The following CEP63 variants were observed in gnomAD, a reference collection of about 807,000 sequenced individuals.
CEP63 encodes the protein centrosomal protein of 63 kDa.
A neutral mutation model predicts 89.1 loss-of-function variants in CEP63; 84 were observed. That is an observed-to-expected ratio of 0.94 (90% CI 0.79 to 1.13). The LOEUF is 1.13. Among genes scored for constraint, CEP63 ranks in the 50% most tolerant of loss-of-function variants. The pLI is 0.00. For missense variants in CEP63, 838 were observed against 813.3 expected (o/e 1.03, Z -0.37); for synonymous variants, 267 against 272.5 (o/e 0.98, Z 0.20).
At chr3:134,642,431 C>T in the CEP63 span, among the ~76,000 whole-genome samples, 1 of 152,186 alleles carries the variant, frequency 6.6e-6, no homozygotes, top group African/African-American at 2.4e-5. Flanking sequence ...TAATGCACAG[C>T]AGTTAACCAA....
At chr3:134,694,414 A>C in the CEP63 span, among the ~76,000 whole-genome samples, 1 of 152,152 alleles carries the variant, frequency 6.6e-6, no homozygotes, top group Non-Finnish European at 1.5e-5. Flanking sequence ...CCCTTCCCCA[A>C]GTTAAGTAAA....
intron 5 of CEP63, among the ~76,000 whole-genome samples, chr3:134,534,505 A>G (rs1041184592): frequency 2.0e-5 from 3 of 152,112 alleles, no homozygotes; most frequent in Admixed American, 6.5e-5. Context: ...TTACTGCTCC[A>G]TTATCTACTT....
chr3:134,559,158 A>T lies in CEP63; in HGVS notation c.1682A>T (p.His561Leu), dbSNP rs141318418. 28 of 1,614,006 alleles carry T rather than the reference A, an allele frequency of 1.7e-5. No homozygotes were observed. The African/African-American group carries it at 3.3e-4, about 19-fold the overall frequency. The change falls in exon 14 of 15, where the codon CAT (histidine) becomes CTT (leucine). Residue 561 changes from histidine (H) to leucine (L), a missense_variant. Coordinates refer to ENST00000675561, the MANE Select transcript of CEP63 (RefSeq NM_001353108.3). ...EFKNTEFKPT[H>L]GQHRHDGIKT... ...TCTAATCTACCATCCAGGCCAACCC[A>T]TGGCCAGCACAGACATGATGGAATA...
At chr3:134,620,950 T>C in the CEP63 span, 7 of 760,564 alleles carry the variant, frequency 9.2e-6, no homozygotes, top group Admixed American at 2.2e-5. Flanking sequence ...CTGCTCTTCC[T>C]CCAGGCAGAG....
At chr3:134,518,144 C>A (rs1946631004) in intron 3 of CEP63, among the ~76,000 whole-genome samples, 1 of 151,970 alleles carries the variant, frequency 6.6e-6, no homozygotes, top group South Asian at 2.1e-4. Flanking sequence ...AATAATGTAG[C>A]CTTAAAATAT....
chr3:134,612,323 G>A, the CEP63 span, among the ~76,000 whole-genome samples: 3 of 152,190 alleles, frequency 2.0e-5, no homozygotes, highest in African/African-American at 4.8e-5. Flanking sequence ...AAGGCCATAA[G>A]CCACTCCAGG....
At chr3:134,752,617 A>G in the CEP63 span, among the ~76,000 whole-genome samples, 44 of 152,326 alleles carry the variant, frequency 2.9e-4, no homozygotes, top group South Asian at 6.8e-3. Flanking sequence ...AATTACAATA[A>G]TAAAAAGAAG....
At chr3:134,738,338 C>G in the CEP63 span, among the ~76,000 whole-genome samples, 2 of 151,630 alleles carry the variant, frequency 1.3e-5, no homozygotes. Flanking sequence ...GGGTTGGTTC[C>G]ATGATTTTGC....
At chr3:134,679,657 C>A in the CEP63 span, among the ~76,000 whole-genome samples, 1 of 152,180 alleles carries the variant, frequency 6.6e-6, no homozygotes. Context: ...GAGATATGGT[C>A]TTTAAAGATC....
At position 134,545,585 on chromosome 3, in the gene CEP63, G is replaced by A; in HGVS notation, c.556-1G>A. 1 of 1,609,754 alleles carries A rather than the reference G, an allele frequency of 6.2e-7. No homozygotes were observed. Among genetic ancestry groups the A allele is most frequent in the Non-Finnish European group, 8.5e-7 (1 of 1,176,112 alleles). On this transcript the variant is annotated splice_acceptor_variant, in intron 6 of 14. Transcript: ENST00000675561. LOFTEE classifies it high-confidence loss of function. ...TATTGATTGATAGTCTGTGTTTCTA[G>A]GCTCAGCTTGTCAATCGGAAACAGA...
At chr3:134,637,828 G>A in the CEP63 span, among the ~76,000 whole-genome samples, 1 of 152,244 alleles carries the variant, frequency 6.6e-6, no homozygotes, top group South Asian at 2.1e-4. Context: ...TTGTGAAAGA[G>A]TGATCAAGGT....
At chr3:134,740,506 C>G in the CEP63 span, among the ~76,000 whole-genome samples, 1 of 152,040 alleles carries the variant, frequency 6.6e-6, no homozygotes, top group Non-Finnish European at 1.5e-5. Flanking sequence ...ACCGTGTTAG[C>G]CAGGATGGTC....
the CEP63 span, among the ~76,000 whole-genome samples, chr3:134,701,004 C>T: frequency 1.4e-5 from 2 of 140,362 alleles, no homozygotes; most frequent in African/African-American, 5.3e-5. Flanking sequence ...TGTTTTTCTC[C>T]CTATGAGTTA....
At chr3:134,666,078 T>C in the CEP63 span, among the ~76,000 whole-genome samples, 1 of 152,064 alleles carries the variant, frequency 6.6e-6, no homozygotes, top group Non-Finnish European at 1.5e-5. Context: ...GGAAATTCCC[T>C]GAGACAGATT....
At chr3:134,753,339 C>T in the CEP63 span, among the ~76,000 whole-genome samples, 1 of 152,200 alleles carries the variant, frequency 6.6e-6, no homozygotes. Flanking sequence ...GCGGTCAGTG[C>T]CTGCCTCCAT....
the CEP63 span, among the ~76,000 whole-genome samples, chr3:134,719,873 A>G: frequency 2.0e-5 from 3 of 152,212 alleles, no homozygotes; most frequent in Admixed American, 1.3e-4. Flanking sequence ...CAACTCATCA[A>G]CGAATGAACA....
the CEP63 span, among the ~76,000 whole-genome samples, chr3:134,693,896 C>T: frequency 6.6e-6 from 1 of 152,330 alleles, no homozygotes; most frequent in Middle Eastern, 3.4e-3. Flanking sequence ...CCTGGCGGTG[C>T]GTGAGAAGCA....
At chr3:134,596,122 G>A in the CEP63 span, among the ~76,000 whole-genome samples, 2 of 152,028 alleles carry the variant, frequency 1.3e-5, no homozygotes, top group Non-Finnish European at 2.9e-5. Flanking sequence ...TGTCACTCTG[G>A]GTTAAATAGA....
Position 134,546,413 on chromosome 3 carries a change from C to T in CEP63, c.929+125C>T, listed in dbSNP as rs980172940. 21 of 875,312 alleles carry T rather than the reference C, an allele frequency of 2.4e-5. No homozygotes were observed. In the African/African-American group the frequency reaches 3.3e-4, roughly 14 times the overall value. The allele number at this position is 875,312 out of a possible 1,614,324, so 54.2% of individuals were successfully genotyped here. ...GTCTCCTGTTGCCCAGACTGGAGTG[C>T]AGTGGTGCAATCTCAGCTCACTGCA... On this transcript the variant is annotated intron_variant, in intron 8 of 14. Transcript: ENST00000675561.
Sources: allele counts gnomAD v4.1 joint callset (sites outside exome capture counted in the v4.1 genomes callset), GRCh38; gene constraint gnomAD v4.1.1; transcripts MANE v1.5; gene names NCBI Gene and HGNC (gene_info 2026-07-23, HGNC 2026-07-21).